RASGRP1: variants seen among roughly 807,000 people sequenced by gnomAD.
The protein encoded by RASGRP1 is RAS guanyl releasing protein 1.
A neutral mutation model predicts 95.1 loss-of-function variants in RASGRP1; 37 were observed. The ratio of observed to expected loss-of-function variants is 0.39; its 90% CI spans 0.30 to 0.51. The LOEUF (loss-of-function observed/expected upper bound fraction) is 0.51. RASGRP1 is among the 20% of genes least tolerant of loss of function. The pLI is 0.80. For synonymous variants in RASGRP1, 325 were observed against 353.4 expected (o/e 0.92, Z 0.90); for missense variants, 711 against 965.4 (o/e 0.74, Z 3.49).
intron 2 of RASGRP1, among the ~76,000 whole-genome samples, chr15:38,537,918 A>C (rs990254513): frequency 1.3e-5 from 2 of 152,178 alleles, no homozygotes; most frequent in Non-Finnish European, 2.9e-5. Context: ...ATCTCTTACT[A>C]TTCAAAGGAA....
At chr15:38,528,379 G>A (rs1241649652) in intron 2 of RASGRP1, among the ~76,000 whole-genome samples, 4 of 142,676 alleles carry the variant, frequency 2.8e-5, no homozygotes, top group African/African-American at 1.1e-4. Context: ...TTTGACTTCT[G>A]TGTCCATTAT....
chr15:38,500,675 C>G (rs992827631), intron 13 of RASGRP1, among the ~76,000 whole-genome samples: 1 of 152,080 alleles, frequency 6.6e-6, no homozygotes, highest in Non-Finnish European at 1.5e-5. Flanking sequence ...CCCAGACATT[C>G]TCGAGAAATG....
chr15:38,523,801 G>C (rs1892088557), intron 3 of RASGRP1, among the ~76,000 whole-genome samples: 1 of 152,174 alleles, frequency 6.6e-6, no homozygotes, highest in Non-Finnish European at 1.5e-5. Flanking sequence ...ATTCAGTACA[G>C]TAACCTGCTG....
intron 2 of RASGRP1, among the ~76,000 whole-genome samples, chr15:38,532,933 C>T (rs574617723): frequency 6.6e-6 from 1 of 152,172 alleles, no homozygotes; most frequent in South Asian, 2.1e-4. Flanking sequence ...AGACCCTGCT[C>T]CTTGCTGATA....
intron 2 of RASGRP1, among the ~76,000 whole-genome samples, chr15:38,556,765 G>A (rs935887241): frequency 1.3e-5 from 2 of 152,216 alleles, no homozygotes; most frequent in East Asian, 3.8e-4. Context: ...GCATTGGACA[G>A]CACAGCTGTA....
intron 15 of RASGRP1, among the ~76,000 whole-genome samples, chr15:38,496,689 G>A (rs895127090): frequency 1.3e-5 from 2 of 152,004 alleles, no homozygotes; most frequent in African/African-American, 4.8e-5. Flanking sequence ...TTCCCCCTAA[G>A]AACAAAACAC....
At chr15:38,494,002 G>T (rs1414485206) in intron 16 of RASGRP1, among the ~76,000 whole-genome samples, 1 of 152,164 alleles carries the variant, frequency 6.6e-6, no homozygotes, top group Non-Finnish European at 1.5e-5. Context: ...AAAAGGAGTG[G>T]TATCAGCACA....
At chr15:38,506,127 A>G (rs201832258) in intron 9 of RASGRP1, among the ~76,000 whole-genome samples, 1 of 80,956 alleles carries the variant, frequency 1.2e-5, no homozygotes, top group Admixed American at 1.2e-4. Flanking sequence ...AATTTTGGAC[A>G]TAGGATGCCC....
At chr15:38,534,840 A>G (rs1171286169) in intron 2 of RASGRP1, among the ~76,000 whole-genome samples, 2 of 152,192 alleles carry the variant, frequency 1.3e-5, no homozygotes, top group African/African-American at 4.8e-5. Flanking sequence ...CCTCTGTTCT[A>G]TTGATATTCA....
intron 2 of RASGRP1, among the ~76,000 whole-genome samples, chr15:38,531,154 C>T (rs1400676724): frequency 6.6e-6 from 1 of 152,218 alleles, no homozygotes; most frequent in African/African-American, 2.4e-5. Context: ...TTCTAACTCT[C>T]AACAACAAGC....
intron 2 of RASGRP1, among the ~76,000 whole-genome samples, chr15:38,533,914 A>T (rs1306124941): frequency 6.6e-6 from 1 of 152,208 alleles, no homozygotes; most frequent in Non-Finnish European, 1.5e-5. Flanking sequence ...AGCTACCAAC[A>T]TGAAGTCACT....
At position 38,564,726 on chromosome 15, in the gene RASGRP1, C is replaced by CA. The variant is rs1893967870; in HGVS notation, c.-99_-98insT. ...GCCGCCGCCTGCCGGCTCTCTCCCC[C>CA]CCGGGCCTCGTAGCCCCGGCGCCCG... On this transcript the variant is annotated 5_prime_UTR_variant, in exon 1 of 17. Coordinates refer to ENST00000310803, the MANE Select transcript of RASGRP1 (RefSeq NM_005739.4). 1 of 1,060,058 alleles carries CA rather than the reference C, an allele frequency of 9.4e-7. No individual in the cohort carries two copies. Among genetic ancestry groups the CA allele is most frequent in the African/African-American group, 1.7e-5 (1 of 59,370 alleles). The allele number at this position is 1,060,058 out of a possible 1,614,324, so 65.7% of individuals were successfully genotyped here. A position where few individuals can be genotyped will look rare whatever the true frequency, so the allele number is the denominator to read the frequency against.
intron 2 of RASGRP1, among the ~76,000 whole-genome samples, chr15:38,532,345 C>T (rs917276427): frequency 6.6e-6 from 1 of 152,200 alleles, no homozygotes; most frequent in African/African-American, 2.4e-5. Context: ...CAATGTTGAT[C>T]TTACATACTC....
intron 2 of RASGRP1, among the ~76,000 whole-genome samples, chr15:38,540,022 C>A (rs776939058): frequency 1.3e-5 from 2 of 152,016 alleles, no homozygotes; most frequent in African/African-American, 2.4e-5. Context: ...GCTCAAGTAA[C>A]CTTCCCACCT....
At chr15:38,551,693 T>G (rs1053233945) in intron 2 of RASGRP1, among the ~76,000 whole-genome samples, 1 of 151,640 alleles carries the variant, frequency 6.6e-6, no homozygotes, top group Admixed American at 6.6e-5. Context: ...AAAACCAACA[T>G]AAAAATGAAA....
At chr15:38,536,969 G>C (rs7495618) in intron 2 of RASGRP1, among the ~76,000 whole-genome samples, 14,741 of 152,232 alleles carry the variant, frequency 0.097, 2,422 homozygotes, top group African/African-American at 0.34. Flanking sequence ...GCTTAGAAAA[G>C]TGTGAAGCAC....
chr15:38,560,118 T>C (rs547558365), intron 1 of RASGRP1, 113 bp from the exon 2 acceptor site: 15 of 993,056 alleles, frequency 1.5e-5, no homozygotes, highest in South Asian at 1.3e-4. Flanking sequence ...GCTGGGCTGA[T>C]AGAAGCCATA....
At chr15:38,542,937 GTA>G (rs1199619426) in intron 2 of RASGRP1, among the ~76,000 whole-genome samples, 16 of 124,634 alleles carry the variant, frequency 1.3e-4, no homozygotes, top group Middle Eastern at 4.4e-3. Flanking sequence ...ATATGTGTGT[GTA>G]TATATATATA....
intron 16 of RASGRP1, among the ~76,000 whole-genome samples, chr15:38,492,905 G>T (rs1890647042): frequency 6.6e-6 from 1 of 150,432 alleles, no homozygotes; most frequent in African/African-American, 2.4e-5. Flanking sequence ...TTTTGAGTTG[G>T]AGTCTCACTC....
Sources: gnomAD v4.1 joint callset for allele counts (sites outside exome capture counted in the v4.1 genomes callset) on GRCh38, gnomAD v4.1.1 for gene constraint, MANE v1.5 for transcripts, NCBI Gene and HGNC (gene_info 2026-07-23, HGNC 2026-07-21) for gene names.